LHFPL2: variants seen among roughly 807,000 people sequenced by gnomAD.
LHFPL2 encodes the protein LHFPL tetraspan subfamily member 2.
A neutral mutation model predicts 17.5 loss-of-function variants in LHFPL2; 7 were observed. The observed-to-expected ratio is 0.40, with a 90% CI of 0.23 to 0.75. The LOEUF is 0.75. LHFPL2 is among the 30% of genes least tolerant of loss of function. The pLI, the probability that LHFPL2 is intolerant of heterozygous loss-of-function variation, is 0.37. For missense variants in LHFPL2, 241 were observed against 294.8 expected (o/e 0.82, Z 1.34); for synonymous variants, 134 against 116.2 (o/e 1.15, Z -0.99).
chr5:78,557,317 G>T (rs1313156733), intron 3 of LHFPL2, among the ~76,000 whole-genome samples: 1 of 152,196 alleles, frequency 6.6e-6, no homozygotes, highest in Non-Finnish European at 1.5e-5. Context: ...CAGATGAATA[G>T]ACTTAATATA....
intron 3 of LHFPL2, among the ~76,000 whole-genome samples, chr5:78,552,134 ATTTT>A (rs372439802): frequency 1.4e-5 from 2 of 140,470 alleles, no homozygotes; most frequent in Non-Finnish European, 1.6e-5. Flanking sequence ...CATGTCAGTG[ATTTT>A]TTTTTTTTTT....
At chr5:78,628,881 A>C (rs995391025) in intron 2 of LHFPL2, among the ~76,000 whole-genome samples, 13 of 152,254 alleles carry the variant, frequency 8.5e-5, no homozygotes, top group Admixed American at 5.2e-4. Flanking sequence ...GGCCATTAGG[A>C]AATAAAGTCA....
At chr5:78,616,317 C>T (rs922041865) in intron 2 of LHFPL2, among the ~76,000 whole-genome samples, 7 of 151,992 alleles carry the variant, frequency 4.6e-5, no homozygotes, top group South Asian at 2.1e-4. Flanking sequence ...TTAGTAGAGA[C>T]GGGGTTTCAC....
chr5:78,489,142 T>TC lies in LHFPL2; in HGVS notation c.441_442insG (p.Ile148AspfsTer64). ...GCAGGGTAGAGTATCAAACCGAGGATAAGGAATAGACCTGCAGAACAAAAG... is the reference window on the plus strand; with the variant it reads ...GCAGGGTAGAGTATCAAACCGAGGATCAAGGAATAGACCTGCAGAACAAAAG... On this transcript the variant is annotated frameshift_variant, in exon 5 of 5. Coordinates refer to ENST00000380345, the MANE Select transcript of LHFPL2 (RefSeq NM_005779.3). LOFTEE classifies it high-confidence loss of function. 1.9e-6 allele frequency: 3 copies of TC among 1,614,136 alleles called. No individual in the cohort carries two copies. Among genetic ancestry groups the TC allele is most frequent in the Non-Finnish European group, 2.5e-6 (3 of 1,180,016 alleles).
At chr5:78,642,509 C>A (rs1745704928) in intron 1 of LHFPL2, among the ~76,000 whole-genome samples, 1 of 152,172 alleles carries the variant, frequency 6.6e-6, no homozygotes, top group Admixed American at 6.5e-5. Context: ...TCAAGCCAGT[C>A]AGGCCTGGTA....
chr5:78,572,500 A>ATATATATGTGTATATATATGTGTG (rs1561344881), intron 2 of LHFPL2, among the ~76,000 whole-genome samples: 3 of 41,948 alleles, frequency 7.2e-5, no homozygotes, highest in African/African-American at 4.3e-4. Flanking sequence ...ATATGTGTGT[A>ATATATATGTGTATATATATGTGTG]TATATATATA....
At chr5:78,515,545 G>A (rs1455332825) in intron 3 of LHFPL2, among the ~76,000 whole-genome samples, 1 of 152,214 alleles carries the variant, frequency 6.6e-6, no homozygotes, top group African/African-American at 2.4e-5. Context: ...TGCAAGGATG[G>A]GAGGATTAAG....
At chr5:78,567,296 A>C (rs968038788) in intron 2 of LHFPL2, among the ~76,000 whole-genome samples, 2 of 152,234 alleles carry the variant, frequency 1.3e-5, no homozygotes, top group African/African-American at 2.4e-5. Flanking sequence ...AAACCACCAG[A>C]GTAGTCAGGA....
At chr5:78,521,756 C>T (rs531195920) in intron 3 of LHFPL2, among the ~76,000 whole-genome samples, 171 of 152,320 alleles carry the variant, frequency 1.1e-3, no homozygotes, top group African/African-American at 3.7e-3. Context: ...GACCCAAACA[C>T]GTCCACTTTC....
chr5:78,570,488 T>C (rs1490775356), intron 2 of LHFPL2, among the ~76,000 whole-genome samples: 1 of 151,982 alleles, frequency 6.6e-6, no homozygotes, highest in Non-Finnish European at 1.5e-5. Flanking sequence ...ACTCCTTCTA[T>C]TGTAGGGTAG....
At chr5:78,618,877 T>TA (rs1744724292) in intron 2 of LHFPL2, among the ~76,000 whole-genome samples, 1 of 152,192 alleles carries the variant, frequency 6.6e-6, no homozygotes, top group African/African-American at 2.4e-5. Flanking sequence ...AGAACCAGAA[T>TA]GCCTGCCTTT....
chr5:78,519,726 T>C (rs529895050), intron 3 of LHFPL2, among the ~76,000 whole-genome samples: 2 of 152,248 alleles, frequency 1.3e-5, no homozygotes, highest in African/African-American at 4.8e-5. Flanking sequence ...ACTCCATCCA[T>C]GTGGACTATG....
intron 4 of LHFPL2, among the ~76,000 whole-genome samples, chr5:78,503,559 A>G (rs1289827251): frequency 2.0e-5 from 3 of 152,140 alleles, no homozygotes; most frequent in Non-Finnish European, 4.4e-5. Context: ...TTAGCCAGGC[A>G]TAGTGGCAGG....
chr5:78,628,475 T>A (rs1745135544), intron 2 of LHFPL2, among the ~76,000 whole-genome samples: 1 of 152,136 alleles, frequency 6.6e-6, no homozygotes, highest in South Asian at 2.1e-4. Context: ...TTCAGAGACA[T>A]CCCCTTTGAA....
chr5:78,574,677 A>C (rs1398239445), intron 2 of LHFPL2, among the ~76,000 whole-genome samples: 1 of 152,246 alleles, frequency 6.6e-6, no homozygotes, highest in African/African-American at 2.4e-5. Context: ...AACCACCTAC[A>C]ATTGATTGAA....
chr5:78,594,861 C>T (rs1227903035), intron 2 of LHFPL2, among the ~76,000 whole-genome samples: 1 of 152,194 alleles, frequency 6.6e-6, no homozygotes, highest in African/African-American at 2.4e-5. Context: ...TAGCCGCCAA[C>T]GACCAAAGAA....
intron 3 of LHFPL2, among the ~76,000 whole-genome samples, chr5:78,522,798 T>A (rs112952867): frequency 0.023 from 3,528 of 152,232 alleles, 134 homozygotes; most frequent in African/African-American, 0.079. Flanking sequence ...ACTAGGTCAT[T>A]GAGAACTCAG....
chr5:78,496,833 T>C (rs1754622052), intron 4 of LHFPL2, among the ~76,000 whole-genome samples: 1 of 152,254 alleles, frequency 6.6e-6, no homozygotes, highest in Admixed American at 6.5e-5. Context: ...GCTCCCCCTT[T>C]ACCTTTCCAG....
intron 1 of LHFPL2, among the ~76,000 whole-genome samples, chr5:78,634,894 A>AT (rs1205888960): frequency 6.6e-6 from 1 of 152,204 alleles, no homozygotes; most frequent in South Asian, 2.1e-4. Flanking sequence ...GAATGGAATC[A>AT]TTTTTTGTGT....
Sources: gnomAD v4.1 joint callset for allele counts (sites outside exome capture counted in the v4.1 genomes callset) on GRCh38, gnomAD v4.1.1 for gene constraint, MANE v1.5 for transcripts, NCBI Gene and HGNC (gene_info 2026-07-23, HGNC 2026-07-21) for gene names.